The following VANGL1 variants were observed in gnomAD, a reference collection of about 807,000 sequenced individuals.
VANGL1 encodes the protein VANGL planar cell polarity protein 1, also known as vang-like protein 1.
Under a neutral mutation model 48.4 loss-of-function variants are expected in VANGL1, and 18 were observed. That is an observed-to-expected ratio of 0.37 (90% CI 0.26 to 0.55). The LOEUF is 0.55. Ranked by LOEUF, VANGL1 falls within the 20% of genes least tolerant of loss-of-function variation. VANGL1 has a pLI of 0.81. For missense variants in VANGL1, 667 were observed against 675.8 expected, an observed-to-expected ratio of 0.99 and a Z score of 0.14; for synonymous variants, 257 against 261.8, an observed-to-expected ratio of 0.98 and a Z score of 0.18.
chr1:115,650,022 C>G (rs1177924395), intron 1 of VANGL1, among the ~76,000 whole-genome samples: 2 of 152,130 alleles, frequency 1.3e-5, no homozygotes, highest in Admixed American at 1.3e-4. Flanking sequence ...GTGATCGTAC[C>G]TGACTCCCAG....
In VANGL1 at chr1:115,659,707, C is replaced by T. The variant is rs772309606; in HGVS notation, c.138C>T (p.Val46=). Residue 46 remains valine (V), a synonymous_variant, in exon 3 of 8, where the codon GTC becomes GTT. Coordinates refer to ENST00000355485, the MANE Select transcript of VANGL1 (RefSeq NM_138959.3). The stretch of plus-strand genomic sequence containing the variant: ...ACGGCAGAGGGTCAGAAAAGTCTGT[C>T]ACCATTCAACCTCCCACTGGAGAGC... ...NKDGRGSEKS[V]TIQPPTGEPL... is the part of the protein sequence containing the mutation. 48 of 1,614,062 alleles carry T rather than the reference C, an allele frequency of 3.0e-5. No homozygotes were observed. Among genetic ancestry groups the T allele is most frequent in the Non-Finnish European group, 3.9e-5 (46 of 1,180,040 alleles).
At chr1:115,656,158 G>C (rs549792806) in intron 2 of VANGL1, among the ~76,000 whole-genome samples, 39 of 152,118 alleles carry the variant, frequency 2.6e-4, no homozygotes, top group Non-Finnish European at 5.1e-4. Flanking sequence ...TTCTTGGCTC[G>C]GTATCCCTCA....
At chr1:115,666,818 T>C (rs1652809778) in intron 4 of VANGL1, among the ~76,000 whole-genome samples, 1 of 152,060 alleles carries the variant, frequency 6.6e-6, no homozygotes, top group Non-Finnish European at 1.5e-5. Flanking sequence ...TACTGACAAA[T>C]GGAGCCCTCA....
rs924617842 is a variant in VANGL1, at chr1:115,694,564, A to T, written c.*3185A>T. On this transcript the variant is annotated 3_prime_UTR_variant, in exon 8 of 8. Transcript: ENST00000355485. The stretch of plus-strand genomic sequence containing the variant: ...GTGCATGTATTTACCTAAGGGCTGT[A>T]GCTCTGTGGGATGCTACCAGCATAT... 5 of 152,116 alleles carry T rather than the reference A, an allele frequency of 3.3e-5. No individual in the cohort carries two copies. The highest frequency in any genetic ancestry group is 7.3e-5 in the Non-Finnish European group (5 of 68,036). The allele number at this position is 152,116 out of a possible 1,614,324, so 9.4% of individuals were successfully genotyped here. A position where few individuals can be genotyped will look rare whatever the true frequency, so the allele number is the denominator to read the frequency against.
chr1:115,662,319 G>A (rs1054297210), intron 3 of VANGL1, among the ~76,000 whole-genome samples: 6 of 152,114 alleles, frequency 3.9e-5, no homozygotes, highest in Admixed American at 3.3e-4. Flanking sequence ...TTCTAAGTTG[G>A]TGTCCTAATT....
At chr1:115,689,695 G>T (rs531571500) in intron 7 of VANGL1, among the ~76,000 whole-genome samples, 2 of 135,980 alleles carry the variant, frequency 1.5e-5, no homozygotes, top group African/African-American at 5.6e-5. Context: ...AGTGGCTCAC[G>T]CCTGTAATCT....
chr1:115,669,819 A>C (rs1169631407), intron 4 of VANGL1, among the ~76,000 whole-genome samples: 1 of 152,232 alleles, frequency 6.6e-6, no homozygotes, highest in African/African-American at 2.4e-5. Flanking sequence ...TGTGGTAACG[A>C]ATCACAGAAC....
At chr1:115,647,752 C>G (rs1250145792) in intron 1 of VANGL1, among the ~76,000 whole-genome samples, 1 of 152,070 alleles carries the variant, frequency 6.6e-6, no homozygotes, top group Non-Finnish European at 1.5e-5. Context: ...GAAGGTGGCA[C>G]AGGGTTAGAT....
At chr1:115,650,086 G>T (rs1652085349) in intron 1 of VANGL1, among the ~76,000 whole-genome samples, 1 of 152,198 alleles carries the variant, frequency 6.6e-6, no homozygotes, top group African/African-American at 2.4e-5. Context: ...AGGCTGTGGG[G>T]GCTGTATTGG....
chr1:115,682,059 C>A (rs146047197), intron 4 of VANGL1, among the ~76,000 whole-genome samples: 191 of 152,334 alleles, frequency 1.3e-3, no homozygotes, highest in African/African-American at 4.4e-3. Flanking sequence ...AGAAAAAGTT[C>A]TTGTGTGCCT....
At chr1:115,670,889 G>A (rs747941199) in intron 4 of VANGL1, among the ~76,000 whole-genome samples, 12 of 152,242 alleles carry the variant, frequency 7.9e-5, no homozygotes, top group East Asian at 1.9e-4. Flanking sequence ...AACATAGAGC[G>A]TGGAGGGTTT....
chr1:115,673,264 C>A (rs1411989582), intron 4 of VANGL1, among the ~76,000 whole-genome samples: 3 of 152,182 alleles, frequency 2.0e-5, no homozygotes, highest in Non-Finnish European at 4.4e-5. Flanking sequence ...CCTCCATTAC[C>A]ATTGACCAGC....
In VANGL1 at chr1:115,692,986, G is replaced by T. The variant is rs1265670384; in HGVS notation, c.*1607G>T. On this transcript the variant is annotated 3_prime_UTR_variant, in exon 8 of 8. Coordinates refer to ENST00000355485, the MANE Select transcript of VANGL1 (RefSeq NM_138959.3). The stretch of plus-strand genomic sequence containing the variant: ...CACTCCACAAGTGGTACAGTATTTT[G>T]TGTCATTGTAAAAATCAAAATTGGC... 6.6e-6 allele frequency: 1 copy of T among 152,152 alleles called. No individual in the cohort carries two copies. Among genetic ancestry groups the T allele is most frequent in the Non-Finnish European group, 1.5e-5 (1 of 68,034 alleles). 9.4% of individuals were successfully genotyped at this position (152,152 alleles called of 1,614,324 possible). A position where few individuals can be genotyped will look rare whatever the true frequency, so the allele number is the denominator to read the frequency against.
intron 2 of VANGL1, among the ~76,000 whole-genome samples, chr1:115,654,642 G>A (rs1570741235): frequency 6.6e-6 from 1 of 152,242 alleles, no homozygotes; most frequent in African/African-American, 2.4e-5. Flanking sequence ...CTCAGGAGCT[G>A]GGCTCTGCCA....
At chr1:115,651,716 A>G (rs1652153154) in intron 2 of VANGL1, among the ~76,000 whole-genome samples, 1 of 152,286 alleles carries the variant, frequency 6.6e-6, no homozygotes, top group South Asian at 2.1e-4. Flanking sequence ...GTTTTAAATT[A>G]AAGTTTCTTC....
At chr1:115,646,493 C>CTTTT (rs34575210) in intron 1 of VANGL1, among the ~76,000 whole-genome samples, 1 of 128,694 alleles carries the variant, frequency 7.8e-6, no homozygotes, top group East Asian at 2.3e-4. Context: ...AGTAGTATAG[C>CTTTT]TTTTTTTTTT....
rs1652673810 is a variant in VANGL1 at position 115,663,996 on chromosome 1, A to G, written c.540A>G (p.Pro180=). The change falls in exon 4 of 8, where the codon CCA becomes CCG. Residue 180 remains proline (P), a synonymous_variant. Coordinates refer to ENST00000355485, the MANE Select transcript of VANGL1 (RefSeq NM_138959.3). The stretch of plus-strand genomic sequence containing the variant: ...TCCGCAAGCGGAGAGCTGACATGCC[A>G]CGGGTGTTTGTGTTTCGTGCCCTTT... ...LFFRKRRADM[P]RVFVFRALLL... is the part of the protein sequence containing the mutation. 3.5e-5 allele frequency: 57 copies of G among 1,614,064 alleles called. No homozygotes were observed. Among genetic ancestry groups the G allele is most frequent in the Non-Finnish European group, 4.5e-5 (53 of 1,180,050 alleles).
chr1:115,643,736 A>G (rs1651818019), intron 1 of VANGL1, among the ~76,000 whole-genome samples: 1 of 152,224 alleles, frequency 6.6e-6, no homozygotes, highest in African/African-American at 2.4e-5. Flanking sequence ...GGACAAAACC[A>G]TAAAGGAAAT....
chr1:115,658,236 C>G (rs781519236), intron 2 of VANGL1, among the ~76,000 whole-genome samples: 42 of 152,226 alleles, frequency 2.8e-4, no homozygotes, highest in Middle Eastern at 6.9e-3. Context: ...ATGATAAGGT[C>G]GAAGTTTGAC....
Sources: allele counts gnomAD v4.1 joint callset (sites outside exome capture counted in the v4.1 genomes callset), GRCh38; gene constraint gnomAD v4.1.1; transcripts MANE v1.5; gene names NCBI Gene and HGNC (gene_info 2026-07-23, HGNC 2026-07-21).